Variants in VRK2 observed in about 807,000 individuals in gnomAD.
The protein encoded by VRK2 is serine/threonine-protein kinase VRK2.
VRK2 carries 60 observed loss-of-function variants against 57.6 expected under a neutral mutation model. That is an observed-to-expected ratio of 1.04 (90% CI 0.85 to 1.29). The LOEUF is 1.29. Ranked by LOEUF, VRK2 falls within the 50% of genes most tolerant of loss-of-function variation. The pLI, the probability that VRK2 is intolerant of heterozygous loss-of-function variation, is 0.00. For synonymous variants in VRK2, 231 were observed against 199.2 expected, an observed-to-expected ratio of 1.16 and a Z score of -1.35; for missense variants, 705 against 588.1, an observed-to-expected ratio of 1.20 and a Z score of -2.06.
chr2:57,990,598 G>T (rs1047073504), intron 1 of VRK2, among the ~76,000 whole-genome samples: 10 of 152,196 alleles, frequency 6.6e-5, no homozygotes, highest in African/African-American at 9.6e-5. Context: ...TCTCACTCCA[G>T]TGTCACTTGT....
chr2:58,097,807 TTGATAA>T (rs1449289924), intron 7 of VRK2, among the ~76,000 whole-genome samples: 2 of 152,068 alleles, frequency 1.3e-5, no homozygotes, highest in African/African-American at 4.8e-5. Flanking sequence ...TATATAGTAC[TTGATAA>T]TGATAATAAA....
chr2:57,965,257 C>T (rs1408047772), intron 1 of VRK2, among the ~76,000 whole-genome samples: 1 of 152,188 alleles, frequency 6.6e-6, no homozygotes, highest in Admixed American at 6.5e-5. Flanking sequence ...AGGGTGAGTC[C>T]TGGAGATATT....
chr2:58,003,950 C>T (rs558957764), intron 1 of VRK2, among the ~76,000 whole-genome samples: 4 of 152,186 alleles, frequency 2.6e-5, no homozygotes, highest in East Asian at 1.9e-4. Context: ...GTAATTTATA[C>T]TTGCACTATT....
chr2:58,041,093 T>C (rs751754065), intron 3 of VRK2: 1 of 983,970 alleles, frequency 1.0e-6, no homozygotes, highest in Non-Finnish European at 1.2e-6. Flanking sequence ...GGATGTAGAG[T>C]GTAAATATAG....
At chr2:58,062,312 A>G (rs1677471221) in intron 2 of VRK2, among the ~76,000 whole-genome samples, 1 of 152,024 alleles carries the variant, frequency 6.6e-6, no homozygotes, top group Admixed American at 6.6e-5. Flanking sequence ...CCCTTTCCTC[A>G]GACCTCTCTA....
At chr2:58,041,072 G>C (rs1674435257) in intron 3 of VRK2, 4 of 985,062 alleles carry the variant, frequency 4.1e-6, no homozygotes, top group Non-Finnish European at 4.8e-6. Flanking sequence ...ATGTTAACTG[G>C]GGGGGAAAAA....
intron 2 of VRK2, among the ~76,000 whole-genome samples, chr2:58,065,062 A>G (rs996043559): frequency 6.6e-6 from 1 of 151,944 alleles, no homozygotes; most frequent in Non-Finnish European, 1.5e-5. Flanking sequence ...TACATTGTGT[A>G]TTTATTTTCT....
intron 3 of VRK2, among the ~76,000 whole-genome samples, chr2:58,038,458 T>C (rs1259813558): frequency 6.6e-6 from 1 of 152,182 alleles, no homozygotes; most frequent in Non-Finnish European, 1.5e-5. Flanking sequence ...TCCTCCTTTC[T>C]GCCTTACAGT....
intron 7 of VRK2, among the ~76,000 whole-genome samples, chr2:58,120,383 G>A (rs1677294641): frequency 6.6e-6 from 1 of 150,984 alleles, no homozygotes; most frequent in African/African-American, 2.4e-5. Context: ...TAGAGATGGG[G>A]TTTCACCATG....
intron 1 of VRK2, among the ~76,000 whole-genome samples, chr2:57,999,089 T>A (rs1673010950): frequency 6.6e-6 from 1 of 152,124 alleles, no homozygotes; most frequent in South Asian, 2.1e-4. Flanking sequence ...CTCAGAACAC[T>A]TGGGTTCATT....
At chr2:58,052,811 G>A (rs989615516) in intron 2 of VRK2, among the ~76,000 whole-genome samples, 1 of 152,132 alleles carries the variant, frequency 6.6e-6, no homozygotes, top group Non-Finnish European at 1.5e-5. Context: ...CTATAGTAGT[G>A]AAAAGTTCTC....
chr2:57,958,507 T>A lies in VRK2; in HGVS notation c.-439+50668T>A, dbSNP rs150466243. ...TATATCATATATGTGTCATATGCTA[T>A]ATATCACATATATATGATTGTATTT... On this transcript the variant is annotated intron_variant, in intron 1 of 15. Transcript: ENST00000417641. 9.2e-5 allele frequency among the ~76,000 whole-genome samples: 14 copies of A among 151,960 alleles called. 1 individual carries two copies. The highest frequency in any genetic ancestry group is 6.2e-4 in the South Asian group (3 of 4,804).
chr2:58,079,413 C>CT (rs1670549232), intron 2 of VRK2, among the ~76,000 whole-genome samples: 1 of 152,040 alleles, frequency 6.6e-6, no homozygotes, highest in Admixed American at 6.6e-5. Context: ...CTATTAACGA[C>CT]TTGCCCCAAT....
chr2:58,029,935 T>C (rs2103693540), intron 2 of VRK2, among the ~76,000 whole-genome samples: 1 of 152,266 alleles, frequency 6.6e-6, no homozygotes, highest in Non-Finnish European at 1.5e-5. Context: ...ATTTGTCTGG[T>C]CCAGTCTAAA....
chr2:58,139,366 A>C (rs1266697091), intron 10 of VRK2, among the ~76,000 whole-genome samples: 1 of 152,092 alleles, frequency 6.6e-6, no homozygotes, highest in African/African-American at 2.4e-5. Context: ...GCACCTCATA[A>C]ATCAAAATCA....
chr2:57,922,048 C>G (rs1670366836), intron 1 of VRK2, among the ~76,000 whole-genome samples: 1 of 151,954 alleles, frequency 6.6e-6, no homozygotes, highest in East Asian at 1.9e-4. Flanking sequence ...AATACCTCAT[C>G]TGAATTTCTT....
chr2:57,912,347 C>T (rs1196840180), intron 1 of VRK2, among the ~76,000 whole-genome samples: 3 of 152,064 alleles, frequency 2.0e-5, no homozygotes, highest in African/African-American at 7.2e-5. Context: ...GTCCAAGGGA[C>T]ACATTACTGC....
chr2:58,127,795 C>T (rs987583639), intron 8 of VRK2, among the ~76,000 whole-genome samples: 1 of 152,132 alleles, frequency 6.6e-6, no homozygotes. Flanking sequence ...TCATTATTTC[C>T]TACCGAACCC....
At chr2:58,031,884 T>A (rs1170799592) in intron 2 of VRK2, among the ~76,000 whole-genome samples, 2 of 152,042 alleles carry the variant, frequency 1.3e-5, no homozygotes, top group African/African-American at 4.8e-5. Context: ...ATTATAACAA[T>A]CCAAACAACT....
Sources: gnomAD v4.1 joint callset for allele counts (sites outside exome capture counted in the v4.1 genomes callset) on GRCh38, gnomAD v4.1.1 for gene constraint, MANE v1.5 for transcripts, NCBI Gene and HGNC (gene_info 2026-07-23, HGNC 2026-07-21) for gene names.